The following FBN3 variants were observed in gnomAD, a reference collection of about 807,000 sequenced individuals.
FBN3 encodes fibrillin-3.
Under a neutral mutation model 330.1 loss-of-function variants are expected in FBN3, and 234 were observed. The ratio of observed to expected loss-of-function variants is 0.71; its 90% CI spans 0.64 to 0.79. The LOEUF (loss-of-function observed/expected upper bound fraction) is 0.79. FBN3 is among the 30% of genes least tolerant of loss of function. The pLI, the probability that FBN3 is intolerant of heterozygous loss-of-function variation, is 0.00. For missense variants in FBN3, 3,606 were observed against 3,886.9 expected (o/e 0.93, Z 1.92); for synonymous variants, 1,458 against 1,517.3 (o/e 0.96, Z 0.91).
intron 39 of FBN3, among the ~76,000 whole-genome samples, chr19:8,103,124 A>G (rs1430084104): frequency 5.3e-5 from 8 of 151,228 alleles, no homozygotes; most frequent in Non-Finnish European, 1.0e-4. Flanking sequence ...AAAATTAGCT[A>G]GGTGTGGTGG....
chr19:8,111,929 C>A (rs776110036), intron 31 of FBN3, 48 bp downstream of exon 31: 7 of 731,246 alleles, frequency 9.6e-6, no homozygotes, highest in Non-Finnish European at 1.4e-5. Flanking sequence ...CCTTGCCCCC[C>A]ACCTACCTCT....
chr19:8,101,483 C>A (rs993673203), intron 40 of FBN3, among the ~76,000 whole-genome samples: 7 of 152,216 alleles, frequency 4.6e-5, no homozygotes, highest in Non-Finnish European at 1.0e-4. Flanking sequence ...TGCCTCCAGG[C>A]CTTGGCTCCT....
intron 13 of FBN3, among the ~76,000 whole-genome samples, chr19:8,134,253 A>ATT (rs111296269): frequency 1.3e-5 from 2 of 148,884 alleles, no homozygotes; most frequent in East Asian, 2.1e-4. Context: ...AAATAAATAA[A>ATT]TAAATAAAAT....
At chr19:8,148,055 C>T (rs759605650) in intron 1 of FBN3, among the ~76,000 whole-genome samples, 3 of 151,944 alleles carry the variant, frequency 2.0e-5, no homozygotes, top group Non-Finnish European at 4.4e-5. Flanking sequence ...CTAGCTGGGA[C>T]GGTGGAGCCC....
intron 34 of FBN3, 117 bp downstream of exon 34, chr19:8,110,728 C>T: frequency 7.2e-7 from 1 of 1,389,988 alleles, no homozygotes; most frequent in African/African-American, 1.4e-5. Flanking sequence ...CACCCCCCAG[C>T]AAGACTGCAG....
chr19:8,088,226 T>A (rs1465604174), intron 51 of FBN3, 47 bp from the exon 52 acceptor site: 2 of 1,541,558 alleles, frequency 1.3e-6, no homozygotes, highest in African/African-American at 1.4e-5. Flanking sequence ...GGGTCCCCCA[T>A]CCTCAGTAGC....
At position 8,121,313 on chromosome 19, in the gene FBN3, C is replaced by T; in HGVS notation, c.3156G>A (p.Glu1052=). The T allele has an allele frequency of 1.2e-6, 2 of 1,613,556 alleles. No individual in the cohort carries two copies. Among genetic ancestry groups the T allele is most frequent in the Middle Eastern group, 1.7e-4 (1 of 6,054 alleles). Residue 1052 remains glutamate, a synonymous_variant, in exon 25 of 64, where the codon GAG becomes GAA. Transcript: ENST00000600128. This position sits in a 1 kb window ranked among gnomAD's most constrained non-coding sequence, Gnocchi z 4.5. ...TCTCGTAGCCGGGAAAACACTCGCA[C>T]TCAAAGCTGCCCGGCGTGTTGACAC... is the stretch of plus-strand genomic sequence containing the variant. The part of the protein sequence containing the change: ...GTCVNTPGSF[E]CECFPGYESG...
intron 6 of FBN3, 68 bp downstream of exon 6, chr19:8,144,809 G>T (rs547070241): frequency 1.5e-6 from 2 of 1,298,912 alleles, no homozygotes; most frequent in Non-Finnish European, 2.2e-6. Context: ...ATGTCTCAGG[G>T]ACTTCCAGGA....
At chr19:8,112,200 G>A (rs1293273220) in intron 30 of FBN3, 101 bp from the exon 31 acceptor site, 1 of 1,309,260 alleles carries the variant, frequency 7.6e-7, no homozygotes, top group African/African-American at 1.5e-5. Flanking sequence ...CTAGGGGAGA[G>A]CTGGCCCAGA....
intron 26 of FBN3, among the ~76,000 whole-genome samples, chr19:8,118,126 C>T (rs1420492366): frequency 1.3e-5 from 2 of 151,946 alleles, no homozygotes; most frequent in South Asian, 2.1e-4. Flanking sequence ...TGTCCTTGTG[C>T]AAACACATGT....
chr19:8,132,805 T>C (rs1037646750), intron 14 of FBN3, among the ~76,000 whole-genome samples, 179 bp downstream of exon 14: 4 of 152,144 alleles, frequency 2.6e-5, no homozygotes, highest in African/African-American at 9.7e-5. Flanking sequence ...CTTTTCTTCC[T>C]TTTCTTCTTC....
chr19:8,081,512 G>A (rs1450698320), intron 57 of FBN3, 32 bp from the exon 58 acceptor site: 1 of 1,565,860 alleles, frequency 6.4e-7, no homozygotes, highest in Non-Finnish European at 8.6e-7. Flanking sequence ...AGTGGGGCGG[G>A]GTTAGACAGA....
chr19:8,066,803 C>T (rs951175297), intron 63 of FBN3, among the ~76,000 whole-genome samples: 3 of 152,040 alleles, frequency 2.0e-5, no homozygotes, highest in South Asian at 2.1e-4. Context: ...CGCTTGAACC[C>T]GGGAGGTGGA....
chr19:8,137,294 C>T (rs2083310382), intron 10 of FBN3, among the ~76,000 whole-genome samples: 1 of 151,196 alleles, frequency 6.6e-6, no homozygotes, highest in Non-Finnish European at 1.5e-5. Flanking sequence ...TCCCTCCAAC[C>T]TGGGCCCTAG....
intron 25 of FBN3, 63 bp from the exon 26 acceptor site, chr19:8,119,085 A>C: frequency 3.3e-6 from 5 of 1,534,218 alleles, no homozygotes; most frequent in Non-Finnish European, 4.4e-6. Context: ...GGGGGTGATG[A>C]GGCTCATGCT....
At chr19:8,082,456 C>CCCTT (rs201197502) in intron 57 of FBN3, among the ~76,000 whole-genome samples, 48 of 136,246 alleles carry the variant, frequency 3.5e-4, no homozygotes, top group African/African-American at 1.2e-3. Flanking sequence ...TCCTTCCCTT[C>CCCTT]CCTTCCTTCC....
At chr19:8,095,233 A>C (rs2082184353) in intron 46 of FBN3, 142 bp downstream of exon 46, 1 of 901,438 alleles carries the variant, frequency 1.1e-6, no homozygotes, top group African/African-American at 1.9e-5. Flanking sequence ...AGCCTCCCAA[A>C]GTGCTGGGTA....
chr19:8,138,149 G>C lies in FBN3; in HGVS notation c.1193C>G (p.Ser398Cys). The change falls in exon 10 of 64, where the codon TCT becomes TGT. Residue 398 changes from serine to cysteine, a missense_variant. By Grantham distance (112) the Ser-to-Cys change is moderately radical. Coordinates refer to ENST00000600128, the MANE Select transcript of FBN3 (RefSeq NM_032447.5). Reference sequence around the variant, plus strand: ...CAAGCCCCAGGCCTCACCAATATTAGAGTTGCCAGGGCCCAGGCTGGGGAT... The same window carrying C: ...CAAGCCCCAGGCCTCACCAATATTACAGTTGCCAGGGCCCAGGCTGGGGAT... The part of the protein sequence containing the change: ...RGIPSLGPGN[S>C]NIGTATLNQT... 6.2e-7 allele frequency: 1 copy of C among 1,610,606 alleles called. No individual in the cohort carries two copies. The highest frequency in any genetic ancestry group is 8.5e-7 in the Non-Finnish European group (1 of 1,178,896).
intron 25 of FBN3, among the ~76,000 whole-genome samples, chr19:8,120,508 A>C (rs1482993436): frequency 6.7e-6 from 1 of 148,288 alleles, no homozygotes; most frequent in Non-Finnish European, 1.5e-5. Context: ...TTTTTTCTTT[A>C]GACAGGGTCT....
Sources: allele counts gnomAD v4.1 joint callset (sites outside exome capture counted in the v4.1 genomes callset), GRCh38; gene constraint gnomAD v4.1.1; non-coding constraint Gnocchi (gnomAD v3.1); transcripts MANE v1.5; gene names NCBI Gene and HGNC (gene_info 2026-07-23, HGNC 2026-07-21).